ARHGEF7: variants seen among roughly 807,000 people sequenced by gnomAD.
The protein encoded by ARHGEF7 is Rho guanine nucleotide exchange factor 7.
ARHGEF7 carries 33 observed loss-of-function variants against 109.8 expected under a neutral mutation model. The ratio of observed to expected loss-of-function variants is 0.30; its 90% CI spans 0.23 to 0.40. The LOEUF (loss-of-function observed/expected upper bound fraction) is 0.40. ARHGEF7 is among the 10% of genes least tolerant of loss of function. ARHGEF7 has a pLI of 1.00. For missense variants in ARHGEF7, 938 were observed against 1,098.5 expected (o/e 0.85, Z 2.07); for synonymous variants, 458 against 424.6 (o/e 1.08, Z -0.97).
rs529942066 is a variant in ARHGEF7, at chr13:111,241,618, T to C, written c.760-2254T>C. 2.0e-5 allele frequency among the ~76,000 whole-genome samples: 3 copies of C among 152,366 alleles called. No homozygotes were observed. The South Asian group carries it at 6.2e-4, about 32-fold the overall frequency. ...TCTTTCAAGTAGTTTTTGGTGCTTA[T>C]GGGAAGCTTTCATTTCTACAACCAG... On this transcript the variant is annotated intron_variant, in intron 6 of 21. Transcript: ENST00000646102.
At chr13:111,200,237 G>A (rs1019300568) in intron 2 of ARHGEF7, among the ~76,000 whole-genome samples, 1 of 152,002 alleles carries the variant, frequency 6.6e-6, no homozygotes, top group Admixed American at 6.6e-5. Context: ...TTTTCCTCCC[G>A]GTCATCTCCA....
intron 2 of ARHGEF7, 139 bp from the exon 3 acceptor site, chr13:111,205,150 G>C (rs1566813070): frequency 3.3e-6 from 2 of 602,250 alleles, no homozygotes; most frequent in Non-Finnish European, 5.8e-6. Flanking sequence ...GAGACTGAGC[G>C]TGCTGGTCTC....
intron 5 of ARHGEF7, among the ~76,000 whole-genome samples, chr13:111,227,083 G>A (rs569083546): frequency 6.6e-6 from 1 of 152,308 alleles, no homozygotes; most frequent in Non-Finnish European, 1.5e-5. Context: ...GAGAAAACTT[G>A]AATGGATGAA....
chr13:111,255,289 A>G lies in ARHGEF7; in HGVS notation c.950+10995A>G, dbSNP rs376071030. Among the ~76,000 whole-genome samples the G allele has an allele frequency of 6.1e-4, 93 of 152,340 alleles. No individual in the cohort carries two copies. Among genetic ancestry groups the G allele is most frequent in the African/African-American group, 2.1e-3 (86 of 41,580 alleles). Reference sequence around the variant, plus strand: ...GTCACAGGGGAGGGTGGAAGCGGATACTGGGAGCTGCAGACTTCCCACCCG... The same window carrying G: ...GTCACAGGGGAGGGTGGAAGCGGATGCTGGGAGCTGCAGACTTCCCACCCG... On this transcript the variant is annotated intron_variant, in intron 8 of 21. Transcript: ENST00000646102. The surrounding 1 kb of genome is among the most constrained non-coding windows in gnomAD (Gnocchi z 4.1).
intron 1 of ARHGEF7, among the ~76,000 whole-genome samples, chr13:111,119,426 G>A (rs959359682): frequency 3.9e-5 from 6 of 152,152 alleles, no homozygotes; most frequent in African/African-American, 1.4e-4. Context: ...GGTGCTAGGG[G>A]AGATTGCAAA....
intron 19 of ARHGEF7, chr13:111,293,083 T>A (rs1279326063): frequency 1.0e-6 from 1 of 985,358 alleles, no homozygotes; most frequent in East Asian, 1.1e-4. Context: ...TGATTTCTGT[T>A]ATAAGGCACA....
chr13:111,206,960 TAAAAAAAAAAAAAAAGA>T (rs1219979081), intron 3 of ARHGEF7, among the ~76,000 whole-genome samples: 13 of 53,722 alleles, frequency 2.4e-4, no homozygotes, highest in South Asian at 8.4e-4. Context: ...AGACTCCATC[TAAAAAAAAAAAAAAAGA>T]AAAAGAAAAA....
intron 3 of ARHGEF7, among the ~76,000 whole-genome samples, chr13:111,209,572 C>G (rs1338487485): frequency 6.6e-6 from 1 of 151,990 alleles, no homozygotes; most frequent in Non-Finnish European, 1.5e-5. Context: ...CTTTTTTTTC[C>G]AGGTGAAGGG....
At position 111,303,451 on chromosome 13, in the gene ARHGEF7, T is replaced by G. The variant is rs1398270109; in HGVS notation, c.*338T>G. On this transcript the variant is annotated 3_prime_UTR_variant, in exon 22 of 22. Transcript: ENST00000646102. Reference sequence around the variant, plus strand: ...TATATAAATATTATATATACATGTTTCTTGTAAATATCCCATTTTGAATGC... The same window carrying G: ...TATATAAATATTATATATACATGTTGCTTGTAAATATCCCATTTTGAATGC... The G allele has an allele frequency of 6.3e-6, 1 of 159,980 alleles. No individual in the cohort carries two copies. The highest frequency in any genetic ancestry group is 1.4e-5 in the Non-Finnish European group (1 of 73,144). 9.9% of individuals were successfully genotyped at this position (159,980 alleles called of 1,614,324 possible). A position where few individuals can be genotyped will look rare whatever the true frequency, so the allele number is the denominator to read the frequency against.
At chr13:111,144,577 C>T (rs1473602768) in intron 1 of ARHGEF7, 2 of 152,174 alleles carry the variant, frequency 1.3e-5, no homozygotes, top group Non-Finnish European at 2.9e-5. Flanking sequence ...CAGAAGACAG[C>T]TGCAATTTAA....
chr13:111,185,868 G>T (rs1356125180), intron 2 of ARHGEF7, among the ~76,000 whole-genome samples: 1 of 151,898 alleles, frequency 6.6e-6, no homozygotes, highest in Non-Finnish European at 1.5e-5. Flanking sequence ...TCCTTTCCTG[G>T]CTGGCAGTGT....
chr13:111,218,988 A>G (rs2083475891), intron 5 of ARHGEF7, among the ~76,000 whole-genome samples: 1 of 152,224 alleles, frequency 6.6e-6, no homozygotes, highest in Non-Finnish European at 1.5e-5. Context: ...TTTTAGGAAC[A>G]GCACCTGCCT....
chr13:111,185,010 AT>A (rs200439907), intron 2 of ARHGEF7: 29 of 145,828 alleles, frequency 2.0e-4, no homozygotes, highest in Non-Finnish European at 2.7e-4. Context: ...TAGAATTGTC[AT>A]TTTTTTTTTT....
At position 111,243,935 on chromosome 13, in the gene ARHGEF7, A is replaced by G. The variant is rs374091024; in HGVS notation, c.823A>G (p.Thr275Ala). 35 of 1,613,562 alleles carry G rather than the reference A, an allele frequency of 2.2e-5. No homozygotes were observed. In the African/African-American group the frequency reaches 2.8e-4, roughly 13 times the overall value. Reference protein sequence around the residue: ...YSKELQTVLSTYLRPLQTSEK... With the variant: ...YSKELQTVLSAYLRPLQTSEK... ...TAAAGAACTTCAGACTGTGCTTTCAACGTACCTACGGCCATTGCAGACCAG... is the reference window on the plus strand; with the variant it reads ...TAAAGAACTTCAGACTGTGCTTTCAGCGTACCTACGGCCATTGCAGACCAG... Residue 275 changes from threonine to alanine, a missense_variant, in exon 7 of 22, where the codon ACG becomes GCG. By Grantham distance (58) the Thr-to-Ala change is moderately conservative. Around this residue, in one of 4 missense-constraint regions of ARHGEF7, gnomAD observed 585 missense variants for 723.6 expected, o/e 0.81. Transcript: ENST00000646102.
At chr13:111,280,202 T>A (rs1271945687) in intron 13 of ARHGEF7, 70 bp from the exon 14 acceptor site, 2 of 1,466,068 alleles carry the variant, frequency 1.4e-6, no homozygotes, top group African/African-American at 2.9e-5. Context: ...TAATATTGAC[T>A]TTAATAATGG....
At chr13:111,241,593 T>C (rs1243917863) in intron 6 of ARHGEF7, among the ~76,000 whole-genome samples, 1 of 152,250 alleles carries the variant, frequency 6.6e-6, no homozygotes, top group Non-Finnish European at 1.5e-5. Context: ...GGCAGAGGGC[T>C]CTTTCAAGTA....
At position 111,125,440 on chromosome 13, in the gene ARHGEF7, A is replaced by G. The variant is rs545054326; in HGVS notation, c.165+9749A>G. On this transcript the variant is annotated intron_variant, in intron 1 of 21. Transcript: ENST00000646102. ...CCTATCTTTTCTCTATAGAAGCTAT[A>G]TATAATTCAGAATCCCAAAAAGTGT... 4.0e-5 allele frequency among the ~76,000 whole-genome samples: 6 copies of G among 149,382 alleles called. No individual in the cohort carries two copies. In the South Asian group the frequency reaches 1.3e-3, roughly 32 times the overall value.
chr13:111,135,337 A>C (rs1287532397), intron 1 of ARHGEF7, among the ~76,000 whole-genome samples: 9 of 152,172 alleles, frequency 5.9e-5, no homozygotes, highest in Non-Finnish European at 1.2e-4. Context: ...TTCTGTGAAG[A>C]AAGTCATTGG....
intron 3 of ARHGEF7, among the ~76,000 whole-genome samples, chr13:111,209,657 C>G (rs139030859): frequency 6.6e-6 from 1 of 152,290 alleles, no homozygotes; most frequent in Non-Finnish European, 1.5e-5. Flanking sequence ...TAATAGTTAT[C>G]TCCAGATAAT....
Sources: allele counts gnomAD v4.1 joint callset (sites outside exome capture counted in the v4.1 genomes callset), GRCh38; gene constraint gnomAD v4.1.1; regional missense constraint gnomAD v4.1.1; non-coding constraint Gnocchi (gnomAD v3.1); transcripts MANE v1.5; gene names NCBI Gene and HGNC (gene_info 2026-07-23, HGNC 2026-07-21).